The following SF3B3 variants were observed in gnomAD, a reference collection of about 807,000 sequenced individuals.
SF3B3 encodes the protein splicing factor 3b subunit 3, also known as SAP 130.
Under a neutral mutation model 139.2 loss-of-function variants are expected in SF3B3, and 33 were observed. The observed-to-expected ratio is 0.24, with a 90% CI of 0.18 to 0.32. SF3B3 has a LOEUF of 0.32. Among genes scored for constraint, SF3B3 ranks in the 10% least tolerant of loss-of-function variants. The pLI, the probability that SF3B3 is intolerant of heterozygous loss-of-function variation, is 1.00. For missense variants in SF3B3, 818 were observed against 1,509.4 expected (o/e 0.54, Z 7.59); for synonymous variants, 596 against 563.6 (o/e 1.06, Z -0.81).
intron 15 of SF3B3, 110 bp from the exon 16 acceptor site, chr16:70,560,358 AT>A: frequency 8.7e-7 from 1 of 1,147,076 alleles, no homozygotes; most frequent in Non-Finnish European, 1.2e-6. Context: ...CACCCAAGTC[AT>A]TTCTTTCTAT....
intron 6 of SF3B3, 141 bp downstream of exon 6, chr16:70,535,561 G>T (rs1206740114): frequency 4.7e-6 from 2 of 426,464 alleles, no homozygotes; most frequent in South Asian, 6.5e-5. Context: ...CGTAAATGTT[G>T]TTTTTAATAA....
In SF3B3 at chr16:70,574,149, A is replaced by T. The variant is rs967511593; in HGVS notation, c.*2336A>T. The stretch of plus-strand genomic sequence containing the variant: ...TCAGATGGGATCAGTCTGGCTTTCA[A>T]ATTTTTTTTAATTCCTAAGTTCTGT... On this transcript the variant is annotated 3_prime_UTR_variant, in exon 26 of 26. Coordinates refer to ENST00000302516, the MANE Select transcript of SF3B3 (RefSeq NM_012426.5). 6.6e-6 allele frequency: 1 copy of T among 152,146 alleles called. No individual in the cohort carries two copies. The highest frequency in any genetic ancestry group is 1.5e-5 in the Non-Finnish European group (1 of 68,018). The allele number at this position is 152,146 out of a possible 1,614,324, so 9.4% of individuals were successfully genotyped here. A position where few individuals can be genotyped will look rare whatever the true frequency, so the allele number is the denominator to read the frequency against.
intron 2 of SF3B3, 117 bp from the exon 3 acceptor site, chr16:70,528,756 T>TA (rs2050091862): frequency 1.5e-6 from 1 of 672,756 alleles, no homozygotes; most frequent in Non-Finnish European, 2.5e-6. Context: ...TAGCTGGGAT[T>TA]ACAGGCATGT....
chr16:70,565,545 C>A, intron 20 of SF3B3, 21 bp downstream of exon 20: 1 of 1,601,860 alleles, frequency 6.2e-7, no homozygotes, highest in Non-Finnish European at 8.5e-7. Context: ...GCCAGTGGTT[C>A]TCCTAGATTT....
intron 9 of SF3B3, among the ~76,000 whole-genome samples, chr16:70,542,879 G>T (rs2050232935): frequency 6.6e-6 from 1 of 151,580 alleles, no homozygotes; most frequent in Non-Finnish European, 1.5e-5. Flanking sequence ...CCGCCACCAT[G>T]CCCAGCTAAT....
At chr16:70,526,851 A>T (rs140812936) in intron 2 of SF3B3, 125 bp downstream of exon 2, 5 of 679,220 alleles carry the variant, frequency 7.4e-6, no homozygotes, top group Non-Finnish European at 1.3e-5. Context: ...AAACAATTCA[A>T]ATTATGAGAT....
At chr16:70,547,299 GTTA>G (rs1567416725) in intron 10 of SF3B3, among the ~76,000 whole-genome samples, 1 of 152,146 alleles carries the variant, frequency 6.6e-6, no homozygotes, top group Non-Finnish European at 1.5e-5. Context: ...TGGGTTACAC[GTTA>G]TATATAAGTG....
chr16:70,572,381 A>C lies in SF3B3; in HGVS notation c.*568A>C. The stretch of plus-strand genomic sequence containing the variant: ...AGTTAGAGCAGGAAGAACTGAGTAG[A>C]CTCCTTCCTTCCAGATACCGACTTG... On this transcript the variant is annotated 3_prime_UTR_variant, in exon 26 of 26. Coordinates refer to ENST00000302516, the MANE Select transcript of SF3B3 (RefSeq NM_012426.5). 1 of 210,742 alleles carries C rather than the reference A, an allele frequency of 4.7e-6. No homozygotes were observed. Among genetic ancestry groups the C allele is most frequent in the Non-Finnish European group, 9.6e-6 (1 of 103,912 alleles). The allele number at this position is 210,742 out of a possible 1,614,324, so 13.1% of individuals were successfully genotyped here.
Position 70,563,819 on chromosome 16 carries a change from A to C in SF3B3, c.2289-57A>C, listed in dbSNP as rs553770771. 4 of 1,552,096 alleles carry C rather than the reference A, an allele frequency of 2.6e-6. No homozygotes were observed. In the South Asian group the frequency reaches 4.6e-5, roughly 18 times the overall value. On this transcript the variant is annotated intron_variant, in intron 17 of 25. Transcript: ENST00000302516. ...TGCTGACTGCTCAAAGTCTATTTCA[A>C]CACCAGTTTCTGGGTCCGAGTGAGT...
At chr16:70,531,807 A>G (rs1422685720) in intron 4 of SF3B3, among the ~76,000 whole-genome samples, 1 of 152,272 alleles carries the variant, frequency 6.6e-6, no homozygotes, top group Non-Finnish European at 1.5e-5. Context: ...CTTTAACGGA[A>G]GGCAGTATCC....
rs2050552102 is a variant in SF3B3, at chr16:70,573,863, C to G, written c.*2050C>G. On this transcript the variant is annotated 3_prime_UTR_variant, in exon 26 of 26. Coordinates refer to ENST00000302516, the MANE Select transcript of SF3B3 (RefSeq NM_012426.5). ...AGGACTGAAAAGTTTTTAGCTGCCT[C>G]AGCTTTCCCCTGACCTTACTGGCAG... The G allele has an allele frequency of 6.6e-6, 1 of 152,212 alleles. No individual in the cohort carries two copies. Among genetic ancestry groups the G allele is most frequent in the Non-Finnish European group, 1.5e-5 (1 of 68,054 alleles). The allele number at this position is 152,212 out of a possible 1,614,324, so 9.4% of individuals were successfully genotyped here.
intron 17 of SF3B3, among the ~76,000 whole-genome samples, chr16:70,562,138 C>A (rs543506433): frequency 2.0e-5 from 3 of 152,216 alleles, no homozygotes; most frequent in African/African-American, 7.2e-5. Flanking sequence ...TTGTCATTTG[C>A]GGTATTAAAT....
chr16:70,541,249 A>G (rs2050216800), intron 8 of SF3B3, among the ~76,000 whole-genome samples: 1 of 152,144 alleles, frequency 6.6e-6, no homozygotes, highest in South Asian at 2.1e-4. Flanking sequence ...TCTTTGGAGA[A>G]ATGTCTATTC....
In SF3B3 at chr16:70,525,979, A is replaced by AT. The variant is rs1408558739; in HGVS notation, c.-70-608_-70-607insT. 5.8e-4 allele frequency among the ~76,000 whole-genome samples: 86 copies of AT among 147,372 alleles called. 1 individual carries two copies. The highest frequency in any genetic ancestry group is 2.0e-3 in the African/African-American group (75 of 38,088). ...CCTCAAAAAAAAAAAAAAAAAAAAAAAGGAAAAAAAAAAGATATACCTTAG... is the reference window on the plus strand; with the variant it reads ...CCTCAAAAAAAAAAAAAAAAAAAAAATAGGAAAAAAAAAAGATATACCTTAG... On this transcript the variant is annotated intron_variant, in intron 1 of 25. Transcript: ENST00000302516.
intron 4 of SF3B3, 70 bp downstream of exon 4, chr16:70,530,987 G>A: frequency 6.9e-7 from 1 of 1,441,988 alleles, no homozygotes; most frequent in Non-Finnish European, 9.5e-7. Context: ...TTGTTTTCCG[G>A]CCGGGCGTGG....
intron 20 of SF3B3, among the ~76,000 whole-genome samples, chr16:70,566,552 ACT>A (rs1389118344): frequency 2.0e-5 from 3 of 152,058 alleles, no homozygotes; most frequent in Admixed American, 6.6e-5. Flanking sequence ...ACAGAGCGAG[ACT>A]CTGTCTCAAA....
chr16:70,575,187 C>CTTTTTT lies in SF3B3; in HGVS notation c.*3377_*3382dup, dbSNP rs1206127902. The CTTTTTT allele has an allele frequency of 7.7e-6, 1 of 130,080 alleles. No individual in the cohort carries two copies. 8.1% of individuals were successfully genotyped at this position (130,080 alleles called of 1,614,324 possible). A position where few individuals can be genotyped will look rare whatever the true frequency, so the allele number is the denominator to read the frequency against. ...TTCTCTTTTTTTTCTTTTTCTTTTTCTTTTTTTTCTTTTTTTTTTTTTTTT... is the reference window on the plus strand; with the variant it reads ...TTCTCTTTTTTTTCTTTTTCTTTTTCTTTTTTTTTTTTTTCTTTTTTTTTTTTTTTT... On this transcript the variant is annotated 3_prime_UTR_variant, in exon 26 of 26. Coordinates refer to ENST00000302516, the MANE Select transcript of SF3B3 (RefSeq NM_012426.5).
Position 70,567,948 on chromosome 16 carries a change from A to T in SF3B3, c.2953-335A>T, listed in dbSNP as rs191826030. ...TGATCTACCCGCCTTAGCCTCCCAA[A>T]GTCCTGGGTTTACAGGCGTGAGCCA... is the stretch of plus-strand genomic sequence containing the variant. On this transcript the variant is annotated intron_variant, in intron 21 of 25. Coordinates refer to ENST00000302516, the MANE Select transcript of SF3B3 (RefSeq NM_012426.5). Among the ~76,000 whole-genome samples the T allele has an allele frequency of 2.0e-4, 31 of 152,288 alleles. No individual in the cohort carries two copies. The East Asian group carries it at 5.8e-3, about 28-fold the overall frequency.
intron 9 of SF3B3, among the ~76,000 whole-genome samples, chr16:70,543,056 A>G (rs1228561401): frequency 1.3e-5 from 2 of 151,936 alleles, no homozygotes; most frequent in African/African-American, 2.4e-5. Context: ...ATTTTTAGTG[A>G]TTTTTTTCAC....
Sources: gnomAD v4.1 joint callset for allele counts (sites outside exome capture counted in the v4.1 genomes callset) on GRCh38, gnomAD v4.1.1 for gene constraint, MANE v1.5 for transcripts, NCBI Gene and HGNC (gene_info 2026-07-23, HGNC 2026-07-21) for gene names.